GRHL2: variants seen among roughly 807,000 people sequenced by gnomAD.
The protein encoded by GRHL2 is grainyhead like transcription factor 2, also known as grainyhead-like protein 2 homolog.
A neutral mutation model predicts 83.8 loss-of-function variants in GRHL2; 21 were observed. That is an observed-to-expected ratio of 0.25 (90% CI 0.18 to 0.36). The LOEUF is 0.36. GRHL2 is among the 10% of genes least tolerant of loss of function. The probability of loss-of-function intolerance (pLI) is 1.00; values close to 1 mark genes in which losing one functional copy is unlikely to be tolerated. For synonymous variants in GRHL2, 280 were observed against 278.9 expected, an observed-to-expected ratio of 1.00 and a Z score of -0.04; for missense variants, 623 against 781.8, an observed-to-expected ratio of 0.80 and a Z score of 2.42.
intron 14 of GRHL2, among the ~76,000 whole-genome samples, chr8:101,650,710 C>T (rs750050966): frequency 7.9e-5 from 12 of 151,792 alleles, no homozygotes; most frequent in South Asian, 2.1e-4. Context: ...GAAAATGTTT[C>T]GGAATTAGAT....
At chr8:101,586,303 ATCTG>A (rs1388856782) in intron 7 of GRHL2, among the ~76,000 whole-genome samples, 1 of 151,494 alleles carries the variant, frequency 6.6e-6, no homozygotes, top group Non-Finnish European at 1.5e-5. Flanking sequence ...ATCCAACATA[ATCTG>A]TCTTTTATTA....
At chr8:101,679,518 A>G in the GRHL2 span, among the ~76,000 whole-genome samples, 3 of 149,768 alleles carry the variant, frequency 2.0e-5, no homozygotes, top group African/African-American at 7.4e-5. Context: ...ATTATCCAGG[A>G]GAACTTCCCC....
chr8:101,535,207 T>G (rs1364514031), intron 1 of GRHL2, among the ~76,000 whole-genome samples: 1 of 152,198 alleles, frequency 6.6e-6, no homozygotes. Flanking sequence ...TGTTAACATT[T>G]TCTACAAACA....
chr8:101,604,730 C>T (rs991537788), intron 8 of GRHL2, among the ~76,000 whole-genome samples: 2 of 152,154 alleles, frequency 1.3e-5, no homozygotes, highest in Admixed American at 6.5e-5. Context: ...GCCTCCAAGC[C>T]TTTTAGAATG....
chr8:101,590,159 G>A (rs948910764), intron 7 of GRHL2, among the ~76,000 whole-genome samples: 1 of 152,114 alleles, frequency 6.6e-6, no homozygotes, highest in Admixed American at 6.5e-5. Flanking sequence ...AAATACTTTA[G>A]TGCCTCTAAA....
At chr8:101,660,287 A>G (rs955903258) in intron 14 of GRHL2, among the ~76,000 whole-genome samples, 20 of 152,186 alleles carry the variant, frequency 1.3e-4, no homozygotes, top group African/African-American at 4.6e-4. Flanking sequence ...ATTCATATCC[A>G]TATATCATAT....
chr8:101,573,885 A>C, intron 6 of GRHL2, 61 bp downstream of exon 6: 13 of 1,561,302 alleles, frequency 8.3e-6, no homozygotes, highest in East Asian at 2.2e-5. Flanking sequence ...TGGCTACCTC[A>C]CAGCCTTGTG....
chr8:101,664,997 C>T (rs996008551), intron 15 of GRHL2, among the ~76,000 whole-genome samples: 31 of 152,130 alleles, frequency 2.0e-4, no homozygotes, highest in African/African-American at 7.0e-4. Flanking sequence ...AACAACAGGT[C>T]ATATTTACTG....
chr8:101,524,806 A>T (rs1214667472), intron 1 of GRHL2, among the ~76,000 whole-genome samples: 1 of 152,176 alleles, frequency 6.6e-6, no homozygotes, highest in Non-Finnish European at 1.5e-5. Context: ...TTAAAAAAAA[A>T]ATCCAGTTTG....
chr8:101,623,739 CACAGTACACAGTATG>C (rs1281988883), intron 9 of GRHL2, among the ~76,000 whole-genome samples: 1 of 151,756 alleles, frequency 6.6e-6, no homozygotes, highest in Middle Eastern at 3.5e-3. Flanking sequence ...TAAAACAGTT[CACAGTACACAGTATG>C]ACAGTACACA....
In GRHL2 at chr8:101,644,287, G is replaced by T; in HGVS notation, c.1612+62G>T. The T allele has an allele frequency of 3.0e-6, 4 of 1,354,924 alleles. No homozygotes were observed. In the South Asian group the frequency reaches 4.9e-5, roughly 17 times the overall value. The allele number at this position is 1,354,924 out of a possible 1,614,324, so 83.9% of individuals were successfully genotyped here. A position where few individuals can be genotyped will look rare whatever the true frequency, so the allele number is the denominator to read the frequency against. Reference sequence around the variant, plus strand: ...ATGCGGGGTGTCTCTCCCAAGAAGAGCTTGCAGCCCTCTTGCCCAGGCCCC... The same window carrying T: ...ATGCGGGGTGTCTCTCCCAAGAAGATCTTGCAGCCCTCTTGCCCAGGCCCC... On this transcript the variant is annotated intron_variant, in intron 13 of 15. Transcript: ENST00000646743.
rs549765842 is a variant in GRHL2 at position 101,666,824 on chromosome 8, A to C, written c.*121A>C. The stretch of plus-strand genomic sequence containing the variant: ...CCCATCTCACAACTGCTGTTACAAG[A>C]CCGTGCTGGGGAGTGGGGCAAGGGA... On this transcript the variant is annotated 3_prime_UTR_variant, in exon 16 of 16. Coordinates refer to ENST00000646743, the MANE Select transcript of GRHL2 (RefSeq NM_024915.4). 467 of 730,990 alleles carry C rather than the reference A, an allele frequency of 6.4e-4. 1 individual carries two copies. The highest frequency in any genetic ancestry group is 1.0e-3 in the Non-Finnish European group (402 of 400,660). The allele number at this position is 730,990 out of a possible 1,614,324, so 45.3% of individuals were successfully genotyped here. A position where few individuals can be genotyped will look rare whatever the true frequency, so the allele number is the denominator to read the frequency against.
chr8:101,602,464 G>C (rs1287033279), intron 8 of GRHL2, among the ~76,000 whole-genome samples: 1 of 152,220 alleles, frequency 6.6e-6, no homozygotes, highest in Non-Finnish European at 1.5e-5. Context: ...TGTGTGGCCA[G>C]AGGACACAAA....
chr8:101,525,708 C>A (rs1204572400), intron 1 of GRHL2, among the ~76,000 whole-genome samples: 1 of 151,988 alleles, frequency 6.6e-6, no homozygotes, highest in Non-Finnish European at 1.5e-5. Flanking sequence ...GTGGCTCATG[C>A]CTGTAATCCC....
intron 7 of GRHL2, among the ~76,000 whole-genome samples, chr8:101,598,074 A>G (rs1019342098): frequency 6.6e-6 from 1 of 152,172 alleles, no homozygotes; most frequent in African/African-American, 2.4e-5. Context: ...TCAAACCAAT[A>G]TATTCCGTAA....
intron 7 of GRHL2, among the ~76,000 whole-genome samples, chr8:101,594,536 C>G (rs577282431): frequency 6.6e-6 from 1 of 152,192 alleles, no homozygotes; most frequent in Non-Finnish European, 1.5e-5. Flanking sequence ...TTTTATTTGT[C>G]GGACAACTAT....
chr8:101,556,554 A>C (rs978266387), intron 3 of GRHL2, among the ~76,000 whole-genome samples: 1 of 152,156 alleles, frequency 6.6e-6, no homozygotes, highest in Non-Finnish European at 1.5e-5. Context: ...AGTATAGATG[A>C]AAGTATTTTA....
At chr8:101,616,316 GCC>G (rs1435953850) in intron 8 of GRHL2, among the ~76,000 whole-genome samples, 8 of 151,864 alleles carry the variant, frequency 5.3e-5, no homozygotes, top group Non-Finnish European at 7.4e-5. Flanking sequence ...GATTACAGGT[GCC>G]CACCACCATA....
intron 6 of GRHL2, among the ~76,000 whole-genome samples, chr8:101,575,520 G>T (rs1811916852): frequency 1.3e-5 from 2 of 152,082 alleles, no homozygotes; most frequent in South Asian, 4.1e-4. Flanking sequence ...TTACTCCCCG[G>T]CTCTGGAGCA....
Sources: allele counts gnomAD v4.1 joint callset (sites outside exome capture counted in the v4.1 genomes callset), GRCh38; gene constraint gnomAD v4.1.1; transcripts MANE v1.5; gene names NCBI Gene and HGNC (gene_info 2026-07-23, HGNC 2026-07-21).